Variants in DLGAP2 observed in about 807,000 individuals in gnomAD.
DLGAP2 encodes disks large-associated protein 2.
Under a neutral mutation model 100.3 loss-of-function variants are expected in DLGAP2, and 26 were observed. That is an observed-to-expected ratio of 0.26 (90% CI 0.19 to 0.36). The LOEUF is 0.36. Ranked by LOEUF, DLGAP2 falls within the 10% of genes least tolerant of loss-of-function variation. The probability of loss-of-function intolerance (pLI) is 1.00; values close to 1 mark genes in which losing one functional copy is unlikely to be tolerated. For synonymous variants in DLGAP2, 886 were observed against 630.1 expected (o/e 1.41, Z -6.08); for missense variants, 1,858 against 1,453.2 (o/e 1.28, Z -4.53).
intron 14 of DLGAP2, among the ~76,000 whole-genome samples, chr8:1,697,723 C>G (rs1799441184): frequency 6.6e-6 from 1 of 152,226 alleles, no homozygotes; most frequent in Non-Finnish European, 1.5e-5. Context: ...GGACTATCTC[C>G]TATTCAATAT....
intron 3 of DLGAP2, among the ~76,000 whole-genome samples, chr8:1,383,160 A>T (rs987236540): frequency 6.6e-6 from 1 of 152,228 alleles, no homozygotes; most frequent in Admixed American, 6.5e-5. Context: ...CAAATTTATA[A>T]TTAAGTTTGT....
intron 6 of DLGAP2, among the ~76,000 whole-genome samples, chr8:1,617,885 A>G (rs749603498): frequency 6.6e-6 from 1 of 152,242 alleles, no homozygotes; most frequent in South Asian, 2.1e-4. Context: ...AATAGGACAT[A>G]TGGAAAACAA....
At chr8:1,181,622 A>G (rs1389491338) in intron 2 of DLGAP2, among the ~76,000 whole-genome samples, 1 of 152,094 alleles carries the variant, frequency 6.6e-6, no homozygotes, top group African/African-American at 2.4e-5. Context: ...TAATCTATAC[A>G]ATAAGCCCCC....
At chr8:1,049,321 T>C (rs148889858) in intron 2 of DLGAP2, among the ~76,000 whole-genome samples, 47 of 152,266 alleles carry the variant, frequency 3.1e-4, no homozygotes, top group African/African-American at 1.0e-3. Flanking sequence ...TCTACTTCTA[T>C]AATTTTAACG....
chr8:1,601,724 A>G (rs1314302966), intron 6 of DLGAP2, among the ~76,000 whole-genome samples: 2 of 152,134 alleles, frequency 1.3e-5, no homozygotes, highest in African/African-American at 2.4e-5. Flanking sequence ...CTGCTCGTTC[A>G]CCACTCTGGT....
At chr8:1,053,336 A>T (rs1211047830) in intron 2 of DLGAP2, among the ~76,000 whole-genome samples, 1 of 152,076 alleles carries the variant, frequency 6.6e-6, no homozygotes, top group African/African-American at 2.4e-5. Context: ...GTTTGGGGGA[A>T]CATAGAATGA....
intron 2 of DLGAP2, among the ~76,000 whole-genome samples, chr8:1,239,981 GT>G: frequency 2.1e-5 from 3 of 139,962 alleles, no homozygotes; most frequent in East Asian, 2.3e-4. Flanking sequence ...ATAGCGTCTT[GT>G]CTAGTTCTCT....
chr8:1,420,212 C>A (rs531124093), intron 3 of DLGAP2, among the ~76,000 whole-genome samples: 1 of 152,254 alleles, frequency 6.6e-6, no homozygotes, highest in South Asian at 2.1e-4. Flanking sequence ...CAGCTTGAGT[C>A]TCTGCATCAG....
intron 2 of DLGAP2, among the ~76,000 whole-genome samples, chr8:1,182,808 CGGCAACTCTG>C (rs1027373622): frequency 1.3e-5 from 2 of 152,160 alleles, no homozygotes; most frequent in African/African-American, 4.8e-5. Flanking sequence ...GTCCACGGGT[CGGCAACTCTG>C]GGCAGTGGCG....
intron 3 of DLGAP2, among the ~76,000 whole-genome samples, chr8:1,427,701 G>A (rs181939072): frequency 2.6e-5 from 4 of 152,298 alleles, no homozygotes; most frequent in African/African-American, 9.6e-5. Flanking sequence ...GAGTTTCCCT[G>A]TACAAGCTCT....
At chr8:1,647,185 C>G (rs151224525) in intron 8 of DLGAP2, among the ~76,000 whole-genome samples, 12 of 152,264 alleles carry the variant, frequency 7.9e-5, no homozygotes, top group Non-Finnish European at 1.3e-4. Context: ...GGATCTGGAA[C>G]TGAAGTCTCC....
chr8:1,590,015 G>C (rs781261781), intron 6 of DLGAP2, among the ~76,000 whole-genome samples: 1 of 152,034 alleles, frequency 6.6e-6, no homozygotes, highest in African/African-American at 2.4e-5. Context: ...TGTGGGCAAG[G>C]CCTCGCTCCC....
chr8:856,028 A>G (rs958694751), intron 1 of DLGAP2, among the ~76,000 whole-genome samples: 1 of 152,198 alleles, frequency 6.6e-6, no homozygotes, highest in African/African-American at 2.4e-5. Flanking sequence ...TTTCAAGATC[A>G]TACTGGAAGT....
intron 1 of DLGAP2, among the ~76,000 whole-genome samples, chr8:892,562 A>G (rs1178728909): frequency 2.0e-5 from 3 of 152,198 alleles, no homozygotes; most frequent in Non-Finnish European, 4.4e-5. Context: ...TGGGAGGACA[A>G]CACAGCTAGA....
At chr8:1,686,226 G>A (rs1318657244) in intron 12 of DLGAP2, among the ~76,000 whole-genome samples, 2 of 152,172 alleles carry the variant, frequency 1.3e-5, no homozygotes, top group African/African-American at 2.4e-5. Context: ...AGTAATGTGT[G>A]TGAATAATAT....
chr8:936,316 T>G (rs143548810), intron 2 of DLGAP2, among the ~76,000 whole-genome samples: 2 of 152,068 alleles, frequency 1.3e-5, no homozygotes, highest in African/African-American at 4.8e-5. Flanking sequence ...TGCTTCTACA[T>G]TGGAAAAAGC....
intron 2 of DLGAP2, among the ~76,000 whole-genome samples, chr8:1,197,620 A>T (rs1797779503): frequency 2.0e-5 from 3 of 150,804 alleles, no homozygotes. Context: ...CATCTGGGCC[A>T]CCAGCTGTCC....
At chr8:1,267,613 T>TAAAAAAATAAAATAA (rs879495675) in intron 3 of DLGAP2, among the ~76,000 whole-genome samples, 1 of 93,436 alleles carries the variant, frequency 1.1e-5, no homozygotes, top group Admixed American at 9.3e-5. Context: ...TAAGATAAGA[T>TAAAAAAATAAAATAA]AAGATAAGAT....
At chr8:1,571,556 G>T in intron 6 of DLGAP2, among the ~76,000 whole-genome samples, 1 of 144,474 alleles carries the variant, frequency 6.9e-6, no homozygotes, top group Non-Finnish European at 1.5e-5. Context: ...GAACTGTGGG[G>T]TGTCTGATGA....
Sources: gnomAD v4.1 joint callset for allele counts (sites outside exome capture counted in the v4.1 genomes callset) on GRCh38, gnomAD v4.1.1 for gene constraint, MANE v1.5 for transcripts, NCBI Gene and HGNC (gene_info 2026-07-23, HGNC 2026-07-21) for gene names.